The following ANTXRL variants were observed in gnomAD, a reference collection of about 807,000 sequenced individuals.
ANTXRL encodes the protein ANTXR like.
In ANTXRL, 63 loss-of-function variants were observed where a neutral mutation model predicts 75.4. That is an observed-to-expected ratio of 0.84 (90% CI 0.68 to 1.03). The LOEUF (loss-of-function observed/expected upper bound fraction) is 1.03, where lower values mean the gene tolerates loss of function less well. Ranked by LOEUF, ANTXRL falls within the 50% of genes least tolerant of loss-of-function variation. The pLI is 0.00. For missense variants in ANTXRL, 797 were observed against 789.4 expected (o/e 1.01, Z -0.12); for synonymous variants, 335 against 291.3 (o/e 1.15, Z -1.53).
In ANTXRL at chr10:46,329,759, A is replaced by G. The variant is rs2132954637; in HGVS notation, c.1571A>G (p.Lys524Arg). ...LRHSRECLAL[K>R]QARCSPNICL... ...CACAGCCGGGAGTGCCTCGCCCTCA[A>G]ACAGGCTCGCTGCAGCCCAAACATC... Residue 524 changes from lysine to arginine, a missense_variant, in exon 17 of 17, where the codon AAA becomes AGA. Around this residue, in one of 3 missense-constraint regions of ANTXRL, gnomAD observed 479 missense variants for 422.0 expected, o/e 1.14. Transcript: ENST00000620264. The G allele has an allele frequency of 1.3e-6, 2 of 1,529,934 alleles. No homozygotes were observed. The highest frequency in any genetic ancestry group is 1.7e-6 in the Non-Finnish European group (2 of 1,145,376). The allele number at this position is 1,529,934 out of a possible 1,614,324, so 94.8% of individuals were successfully genotyped here.
intron 16 of ANTXRL, among the ~76,000 whole-genome samples, chr10:46,325,107 T>C (rs1839152288): frequency 6.7e-6 from 1 of 148,398 alleles, no homozygotes; most frequent in Non-Finnish European, 1.5e-5. Context: ...CCAGCTTACA[T>C]CTTGTTTTTC....
intron 16 of ANTXRL, 63 bp from the exon 17 acceptor site, chr10:46,329,536 C>T: frequency 2.7e-6 from 4 of 1,501,036 alleles, no homozygotes; most frequent in Non-Finnish European, 3.5e-6. Context: ...CAGGCAACCG[C>T]AGCCTTCTGA....
At chr10:46,323,005 T>C (rs1295379028) in intron 16 of ANTXRL, among the ~76,000 whole-genome samples, 4 of 152,202 alleles carry the variant, frequency 2.6e-5, no homozygotes, top group Non-Finnish European at 5.9e-5. Flanking sequence ...TTTATCTATT[T>C]GGAGTCCGTT....
intron 1 of ANTXRL, 38 bp downstream of exon 1, chr10:46,287,548 C>T: frequency 2.0e-6 from 3 of 1,511,930 alleles, no homozygotes; most frequent in Non-Finnish European, 2.6e-6. Flanking sequence ...GGGTCACCCT[C>T]AGGAGCCACT....
chr10:46,291,793 C>T (rs1418125559), intron 1 of ANTXRL, among the ~76,000 whole-genome samples: 3 of 152,154 alleles, frequency 2.0e-5, no homozygotes, highest in Admixed American at 1.3e-4. Context: ...GATCAGCCAC[C>T]TGGATGGCAA....
chr10:46,308,560 T>G (rs1461141977), intron 12 of ANTXRL: 2 of 417,116 alleles, frequency 4.8e-6, no homozygotes, highest in Non-Finnish European at 9.6e-6. Flanking sequence ...CCCAGAGAAC[T>G]GTTCCCGTTG....
intron 16 of ANTXRL, among the ~76,000 whole-genome samples, 195 bp downstream of exon 16, chr10:46,313,511 A>T (rs544001766): frequency 6.6e-6 from 1 of 152,172 alleles, no homozygotes; most frequent in Non-Finnish European, 1.5e-5. Flanking sequence ...TCCTTTGTTC[A>T]TCACCTGGGG....
intron 16 of ANTXRL, among the ~76,000 whole-genome samples, chr10:46,319,446 G>A (rs1838880680): frequency 6.6e-6 from 1 of 152,118 alleles, no homozygotes; most frequent in Non-Finnish European, 1.5e-5. Context: ...GGGACTATTA[G>A]GATGACTACA....
intron 12 of ANTXRL, chr10:46,308,566 C>T (rs1166629925): frequency 5.3e-5 from 22 of 413,648 alleles, no homozygotes; most frequent in East Asian, 2.9e-4. Context: ...GAACTGTTCC[C>T]GTTGCTTATA....
At chr10:46,290,942 A>G (rs1192442259) in intron 1 of ANTXRL, among the ~76,000 whole-genome samples, 1 of 152,104 alleles carries the variant, frequency 6.6e-6, no homozygotes, top group Non-Finnish European at 1.5e-5. Flanking sequence ...TTTAATCTGG[A>G]TACAGTCTCA....
At chr10:46,320,032 G>A (rs1365680062) in intron 16 of ANTXRL, among the ~76,000 whole-genome samples, 3 of 152,146 alleles carry the variant, frequency 2.0e-5, no homozygotes, top group Admixed American at 1.3e-4. Context: ...CTCTTTTGGA[G>A]TATGGCTTTT....
At chr10:46,299,947 C>G (rs1273822186) in intron 9 of ANTXRL, among the ~76,000 whole-genome samples, 5 of 152,158 alleles carry the variant, frequency 3.3e-5, no homozygotes, top group African/African-American at 9.7e-5. Flanking sequence ...GCTCTCCTCC[C>G]CCTCGGGGTC....
At chr10:46,322,214 G>A (rs1452579104) in intron 16 of ANTXRL, among the ~76,000 whole-genome samples, 1 of 152,080 alleles carries the variant, frequency 6.6e-6, no homozygotes, top group Non-Finnish European at 1.5e-5. Flanking sequence ...AAGTCCATCT[G>A]TAAGTGTCCA....
At chr10:46,322,825 T>C (rs370407577) in intron 16 of ANTXRL, among the ~76,000 whole-genome samples, 1 of 152,198 alleles carries the variant, frequency 6.6e-6, no homozygotes, top group Non-Finnish European at 1.5e-5. Flanking sequence ...TTGACTTGGA[T>C]CAATCTTATG....
At position 46,329,946 on chromosome 10, in the gene ANTXRL, C is replaced by G. The variant is rs1233836161; in HGVS notation, c.1758C>G (p.Leu586=). ...AACCCAGCCGGGAGTGCCTCCCCCT[C>G]ACCTGCTCCTCCAGGTGCCGCCTCC... is the stretch of plus-strand genomic sequence containing the variant. The part of the protein sequence containing the change: ...CLQPSRECLP[L]TCSSRCRLPP... The change falls in exon 17 of 17, where the codon CTC becomes CTG. Residue 586 remains leucine (L), a synonymous_variant. Transcript: ENST00000620264. 8.5e-6 allele frequency: 13 copies of G among 1,535,872 alleles called. No homozygotes were observed. In the South Asian group the frequency reaches 1.5e-4, roughly 18 times the overall value.
At chr10:46,309,716 T>G (rs1164920687) in intron 13 of ANTXRL, among the ~76,000 whole-genome samples, 1 of 152,056 alleles carries the variant, frequency 6.6e-6, no homozygotes, top group Non-Finnish European at 1.5e-5. Context: ...CTGTCTTTAC[T>G]GAGCTCCAGC....
intron 16 of ANTXRL, among the ~76,000 whole-genome samples, chr10:46,328,514 T>C (rs1279296259): frequency 1.3e-5 from 2 of 152,096 alleles, no homozygotes; most frequent in Admixed American, 1.3e-4. Context: ...TAAAGCAATG[T>C]CCAACAATTC....
chr10:46,287,355 G>A lies in ANTXRL; in HGVS notation c.93G>A (p.Arg31=). The A allele has an allele frequency of 6.5e-7, 1 of 1,536,034 alleles. No individual in the cohort carries two copies. Among genetic ancestry groups the A allele is most frequent in the Non-Finnish European group, 8.7e-7 (1 of 1,146,772 alleles). Residue 31 remains arginine, a synonymous_variant, in exon 1 of 17, where the codon CGG becomes CGA. Transcript: ENST00000620264. ...CGCTTTTTAGAGCAGGAAGCCTTCGGTACCATGGACCTGACTGGAGAATAT... is the reference window on the plus strand; with the variant it reads ...CGCTTTTTAGAGCAGGAAGCCTTCGATACCATGGACCTGACTGGAGAATAT... The part of the protein sequence containing the change: ...PPPLFRAGSL[R]YHGPDWRIFH...
At position 46,292,019 on chromosome 10, in the gene ANTXRL, T is replaced by A. The variant is rs782150400; in HGVS notation, c.249-39T>A. 2.5e-5 allele frequency: 38 copies of A among 1,525,608 alleles called. No homozygotes were observed. The South Asian group carries it at 4.2e-4, about 17-fold the overall frequency. 94.5% of individuals were successfully genotyped at this position (1,525,608 alleles called of 1,614,324 possible). ...GGCAGACACTTGCCCATCGGAGAGATGCACTCATCTCCCTGACCCACATCT... is the reference window on the plus strand; with the variant it reads ...GGCAGACACTTGCCCATCGGAGAGAAGCACTCATCTCCCTGACCCACATCT... On this transcript the variant is annotated intron_variant, in intron 1 of 16. Coordinates refer to ENST00000620264, the MANE Select transcript of ANTXRL (RefSeq NM_001278688.3).
Sources: allele counts gnomAD v4.1 joint callset (sites outside exome capture counted in the v4.1 genomes callset), GRCh38; gene constraint gnomAD v4.1.1; regional missense constraint gnomAD v4.1.1; transcripts MANE v1.5; gene names NCBI Gene and HGNC (gene_info 2026-07-23, HGNC 2026-07-21).